Variants in PAK5 observed in about 807,000 individuals in gnomAD.
PAK5 encodes serine/threonine-protein kinase PAK 5.
PAK5 carries 16 observed loss-of-function variants against 65.9 expected under a neutral mutation model. The ratio of observed to expected loss-of-function variants is 0.24; its 90% CI spans 0.16 to 0.37. PAK5 has a LOEUF of 0.37. Ranked by LOEUF, PAK5 falls within the 10% of genes least tolerant of loss-of-function variation. The probability of loss-of-function intolerance (pLI) is 1.00; values close to 1 mark genes in which losing one functional copy is unlikely to be tolerated. For synonymous variants in PAK5, 371 were observed against 354.9 expected, an observed-to-expected ratio of 1.05 and a Z score of -0.51; for missense variants, 785 against 903.9, an observed-to-expected ratio of 0.87 and a Z score of 1.69.
At chr20:9,586,840 C>T (rs1603232593) in intron 3 of PAK5, among the ~76,000 whole-genome samples, 1 of 152,008 alleles carries the variant, frequency 6.6e-6, no homozygotes. Flanking sequence ...AAGCTAAATG[C>T]TATTTAGAAG....
At chr20:9,761,211 G>A (rs1466607804) in intron 1 of PAK5, among the ~76,000 whole-genome samples, 1 of 152,028 alleles carries the variant, frequency 6.6e-6, no homozygotes, top group Non-Finnish European at 1.5e-5. Flanking sequence ...TTCCAGGCCT[G>A]ATGCTGTATT....
Position 9,677,254 on chromosome 20 carries a change from G to A in PAK5, c.-11-32915C>T, listed in dbSNP as rs150343224. 5.8e-3 allele frequency among the ~76,000 whole-genome samples: 890 copies of A among 152,206 alleles called. 5 individuals are homozygous for A. The highest frequency in any genetic ancestry group is 0.02 in the African/African-American group (844 of 41,534). ...ATCTCTCTTCCAACAAATCTAATGT[G>A]ACTCAGCATTCTAATAGGATGCATC... On this transcript the variant is annotated intron_variant, in intron 2 of 9. Transcript: ENST00000353224.
Position 9,566,143 on chromosome 20 carries a change from T to A in PAK5, c.1232A>T (p.Tyr411Phe), listed in dbSNP as rs533312278. ...GGAGGAGCCCCAGCTGGGCGGCGGG[T>A]AGGTGCTGGATGAGAGGCTGAGGGA... ...LSSLSLSSST[Y>F]PPPSWGSSSD... The change falls in exon 5 of 10, where the codon TAC becomes TTC. Residue 411 changes from tyrosine (Y) to phenylalanine (F), a missense_variant. This residue lies in a region of PAK5 where 422 missense variants were observed against 413.3 expected (regional missense o/e 1.02). Transcript: ENST00000353224. 7.1e-5 allele frequency: 115 copies of A among 1,613,372 alleles called. No homozygotes were observed. The highest frequency in any genetic ancestry group is 9.4e-5 in the Non-Finnish European group (111 of 1,179,830).
intron 3 of PAK5, among the ~76,000 whole-genome samples, chr20:9,602,745 T>C (rs948638857): frequency 2.0e-5 from 3 of 152,188 alleles, no homozygotes; most frequent in Admixed American, 2.0e-4. Flanking sequence ...AAGGATCCTC[T>C]TCATCAATCA....
intron 3 of PAK5, among the ~76,000 whole-genome samples, chr20:9,608,056 A>G (rs2123134051): frequency 6.6e-6 from 1 of 152,258 alleles, no homozygotes; most frequent in Non-Finnish European, 1.5e-5. Flanking sequence ...CCATCTTCTC[A>G]CTATAACCTC....
At chr20:9,827,997 A>G (rs1978403928) in intron 1 of PAK5, among the ~76,000 whole-genome samples, 1 of 152,012 alleles carries the variant, frequency 6.6e-6, no homozygotes, top group African/African-American at 2.4e-5. Context: ...ATGCCCAGCT[A>G]ATGTTTTTTT....
At chr20:9,602,077 G>T (rs1367872170) in intron 3 of PAK5, among the ~76,000 whole-genome samples, 2 of 152,036 alleles carry the variant, frequency 1.3e-5, no homozygotes, top group Non-Finnish European at 2.9e-5. Context: ...AGGATCACGA[G>T]GTCAAGAGAT....
At chr20:9,706,006 G>A (rs1321644762) in intron 2 of PAK5, among the ~76,000 whole-genome samples, 1 of 152,038 alleles carries the variant, frequency 6.6e-6, no homozygotes, top group Non-Finnish European at 1.5e-5. Flanking sequence ...AAGTGGCTAG[G>A]GAAAACTGTA....
intron 2 of PAK5, among the ~76,000 whole-genome samples, chr20:9,651,992 A>G (rs182514672): frequency 8.5e-5 from 13 of 152,358 alleles, no homozygotes; most frequent in Non-Finnish European, 1.5e-4. Context: ...GAATTTTAAA[A>G]TGGTGACTTT....
At chr20:9,614,126 G>T (rs1485937974) in intron 3 of PAK5, among the ~76,000 whole-genome samples, 13 of 152,096 alleles carry the variant, frequency 8.5e-5, no homozygotes, top group Admixed American at 8.5e-4. Context: ...AGAACAGATG[G>T]GCAATGTAAA....
intron 3 of PAK5, among the ~76,000 whole-genome samples, chr20:9,641,206 A>C (rs1271069643): frequency 6.6e-6 from 1 of 151,916 alleles, no homozygotes; most frequent in Non-Finnish European, 1.5e-5. Context: ...CAGAGTGTCG[A>C]TTGGTGCACC....
chr20:9,829,557 A>T (rs1162068838), intron 1 of PAK5, among the ~76,000 whole-genome samples: 1 of 152,168 alleles, frequency 6.6e-6, no homozygotes, highest in Non-Finnish European at 1.5e-5. Context: ...TAGTCACAAA[A>T]AGTATAATCT....
At chr20:9,563,668 T>A (rs1240488186) in intron 5 of PAK5, among the ~76,000 whole-genome samples, 1 of 152,200 alleles carries the variant, frequency 6.6e-6, no homozygotes, top group African/African-American at 2.4e-5. Context: ...CTGTTTCCAC[T>A]CGAGTTTTCA....
At chr20:9,813,888 T>G (rs768625605) in intron 1 of PAK5, among the ~76,000 whole-genome samples, 39 of 152,214 alleles carry the variant, frequency 2.6e-4, no homozygotes, top group Non-Finnish European at 4.6e-4. Flanking sequence ...TTCATCCAGT[T>G]ATAGCCTTAA....
chr20:9,669,801 T>C (rs2047469541), intron 2 of PAK5, among the ~76,000 whole-genome samples: 1 of 152,168 alleles, frequency 6.6e-6, no homozygotes, highest in South Asian at 2.1e-4. Context: ...CTTTAAGTTT[T>C]AGGGTACATG....
intron 2 of PAK5, among the ~76,000 whole-genome samples, chr20:9,666,166 A>C (rs1263249520): frequency 6.6e-6 from 1 of 152,132 alleles, no homozygotes; most frequent in African/African-American, 2.4e-5. Flanking sequence ...AGAAATGAGA[A>C]AGAATCCGAT....
intron 1 of PAK5, among the ~76,000 whole-genome samples, chr20:9,767,299 C>A (rs1345554498): frequency 6.6e-6 from 1 of 152,100 alleles, no homozygotes; most frequent in Non-Finnish European, 1.5e-5. Context: ...AATGTTCAAT[C>A]CTGGATCAAA....
chr20:9,782,148 G>T (rs1371329108), intron 1 of PAK5, among the ~76,000 whole-genome samples: 1 of 152,034 alleles, frequency 6.6e-6, no homozygotes, highest in Non-Finnish European at 1.5e-5. Flanking sequence ...TGGGTGCCAG[G>T]TGCACTTGTG....
chr20:9,555,940 A>T (rs1449459893), intron 7 of PAK5, among the ~76,000 whole-genome samples: 1 of 152,238 alleles, frequency 6.6e-6, no homozygotes, highest in Non-Finnish European at 1.5e-5. Flanking sequence ...ACTGCCAAGC[A>T]AATGAGTAAG....
Sources: allele counts gnomAD v4.1 joint callset (sites outside exome capture counted in the v4.1 genomes callset), GRCh38; gene constraint gnomAD v4.1.1; regional missense constraint gnomAD v4.1.1; transcripts MANE v1.5; gene names NCBI Gene and HGNC (gene_info 2026-07-23, HGNC 2026-07-21).